The following PHACTR3 variants were observed in gnomAD, a reference collection of about 807,000 sequenced individuals.
The protein encoded by PHACTR3 is protein phosphatase 1, regulatory subunit 123.
Under a neutral mutation model 66.8 loss-of-function variants are expected in PHACTR3, and 16 were observed. The observed-to-expected ratio is 0.24, with a 90% CI of 0.16 to 0.36. The LOEUF (loss-of-function observed/expected upper bound fraction) is 0.36. Ranked by LOEUF, PHACTR3 falls within the 10% of genes least tolerant of loss-of-function variation. The pLI is 1.00. For synonymous variants in PHACTR3, 323 were observed against 292.1 expected (o/e 1.11, Z -1.08); for missense variants, 647 against 719.9 (o/e 0.90, Z 1.16).
At chr20:59,722,571 G>A (rs1199404510) in intron 1 of PHACTR3, among the ~76,000 whole-genome samples, 1 of 152,136 alleles carries the variant, frequency 6.6e-6, no homozygotes, top group African/African-American at 2.4e-5. Flanking sequence ...TGCCCTGGAG[G>A]GTTTCAGCAC....
chr20:59,729,706 C>T (rs1392360352), intron 1 of PHACTR3, among the ~76,000 whole-genome samples: 2 of 152,188 alleles, frequency 1.3e-5, no homozygotes, highest in African/African-American at 2.4e-5. Context: ...CACTGCATGA[C>T]TTGCTGGTTT....
intron 11 of PHACTR3, chr20:59,844,236 A>G (rs930410199): frequency 1.3e-5 from 2 of 152,182 alleles, no homozygotes. Context: ...TAATGCAGCC[A>G]TTATGGAAAA....
rs150930684 is a variant in PHACTR3, at chr20:59,746,296, G to A, written c.281-1462G>A. 9.5e-4 allele frequency among the ~76,000 whole-genome samples: 144 copies of A among 152,208 alleles called. 2 individuals carry two copies. The East Asian group carries it at 0.023, about 25-fold the overall frequency. ...ACAACTGCCCCCCAGTCAGTCCCCCGCCCCAGGCCTGACTTATTCCTCCTC... is the reference window on the plus strand; with the variant it reads ...ACAACTGCCCCCCAGTCAGTCCCCCACCCCAGGCCTGACTTATTCCTCCTC... On this transcript the variant is annotated intron_variant, in intron 2 of 12. Coordinates refer to ENST00000371015, the MANE Select transcript of PHACTR3 (RefSeq NM_080672.5).
At position 59,645,429 on chromosome 20, in the gene PHACTR3, A is replaced by G. The variant is rs115641775; in HGVS notation, c.118+40297A>G. On this transcript the variant is annotated intron_variant, in intron 1 of 12. Transcript: ENST00000371015. The stretch of plus-strand genomic sequence containing the variant: ...CTGCCCTGGCTCTTTCTCCTGCCTG[A>G]AACAGCCTCCCTCAGATCCCAGCCT... Among the ~76,000 whole-genome samples the G allele has an allele frequency of 7.1e-3, 1,084 of 152,054 alleles. 8 individuals carry two copies. The highest frequency in any genetic ancestry group is 0.051 in the Middle Eastern group (15 of 294).
intron 7 of PHACTR3, among the ~76,000 whole-genome samples, chr20:59,784,537 C>T (rs1456946832): frequency 9.2e-5 from 14 of 152,038 alleles, no homozygotes; most frequent in East Asian, 1.9e-4. Flanking sequence ...CACATAGGGA[C>T]AGCTTGAGCC....
At chr20:59,839,149 A>C (rs542598066) in intron 9 of PHACTR3, among the ~76,000 whole-genome samples, 4 of 152,116 alleles carry the variant, frequency 2.6e-5, no homozygotes, top group Non-Finnish European at 5.9e-5. Flanking sequence ...CGTCACGTAA[A>C]TCCCTCATGG....
chr20:59,700,663 G>T (rs1265218628), intron 1 of PHACTR3, among the ~76,000 whole-genome samples: 2 of 152,230 alleles, frequency 1.3e-5, no homozygotes, highest in African/African-American at 4.8e-5. Flanking sequence ...GAGTGAGCAG[G>T]TGGGGGCATA....
intron 8 of PHACTR3, among the ~76,000 whole-genome samples, chr20:59,811,742 G>A (rs7264806): frequency 0.097 from 14,713 of 152,078 alleles, 1,672 homozygotes; most frequent in African/African-American, 0.28. Context: ...TATAGAAAGA[G>A]ACACTGCCCA....
intron 1 of PHACTR3, among the ~76,000 whole-genome samples, chr20:59,672,150 C>T (rs2036214525): frequency 6.6e-6 from 1 of 152,238 alleles, no homozygotes; most frequent in African/African-American, 2.4e-5. Flanking sequence ...CCACTGGCAT[C>T]TCATGGGCAG....
intron 1 of PHACTR3, among the ~76,000 whole-genome samples, chr20:59,644,027 C>A (rs1008141609): frequency 1.3e-5 from 2 of 152,208 alleles, no homozygotes; most frequent in Non-Finnish European, 2.9e-5. Flanking sequence ...AGACCTGGAA[C>A]GTTCCAGAGT....
At chr20:59,629,731 C>T (rs1468599579) in intron 1 of PHACTR3, among the ~76,000 whole-genome samples, 2 of 152,226 alleles carry the variant, frequency 1.3e-5, no homozygotes, top group Non-Finnish European at 2.9e-5. Flanking sequence ...GCTTAGTGCT[C>T]ATGAAATAAA....
At chr20:59,835,239 A>G (rs2042491921) in intron 8 of PHACTR3, among the ~76,000 whole-genome samples, 1 of 148,758 alleles carries the variant, frequency 6.7e-6, no homozygotes. Flanking sequence ...CTTTGCATAC[A>G]TTGTTTGGGA....
At chr20:59,682,478 T>C (rs11697221) in intron 1 of PHACTR3, among the ~76,000 whole-genome samples, 4,704 of 152,238 alleles carry the variant, frequency 0.031, 87 homozygotes, top group Middle Eastern at 0.065. Flanking sequence ...CTGGAGCTTG[T>C]GTGCTAGTGG....
chr20:59,771,288 G>C (rs2040351364), intron 5 of PHACTR3, among the ~76,000 whole-genome samples: 1 of 152,170 alleles, frequency 6.6e-6, no homozygotes, highest in Admixed American at 6.5e-5. Context: ...GGGGGATGCT[G>C]CGTGTCACCT....
chr20:59,627,445 G>C (rs984701644), intron 1 of PHACTR3, among the ~76,000 whole-genome samples: 1 of 152,242 alleles, frequency 6.6e-6, no homozygotes, highest in Non-Finnish European at 1.5e-5. Flanking sequence ...ATGACTCCAA[G>C]CGTTCCAGCC....
At chr20:59,691,034 G>T (rs561944100) in intron 1 of PHACTR3, among the ~76,000 whole-genome samples, 104 of 152,134 alleles carry the variant, frequency 6.8e-4, no homozygotes, top group Non-Finnish European at 1.4e-3. Flanking sequence ...AATGAAAGAA[G>T]CAAGGGCCAG....
intron 7 of PHACTR3, among the ~76,000 whole-genome samples, chr20:59,782,986 G>T (rs923861983): frequency 3.3e-5 from 5 of 152,198 alleles, no homozygotes; most frequent in African/African-American, 1.2e-4. Flanking sequence ...TTCCCCAGTA[G>T]ACATACTTGT....
intron 7 of PHACTR3, among the ~76,000 whole-genome samples, chr20:59,797,897 A>G (rs966519510): frequency 1.3e-5 from 2 of 151,790 alleles, no homozygotes; most frequent in Non-Finnish European, 2.9e-5. Flanking sequence ...AGAGTTTTAC[A>G]TCAGTGTTTT....
At chr20:59,770,098 T>C (rs1222415033) in intron 5 of PHACTR3, among the ~76,000 whole-genome samples, 1 of 152,236 alleles carries the variant, frequency 6.6e-6, no homozygotes, top group Non-Finnish European at 1.5e-5. Context: ...GAGCCTCAGA[T>C]GGCACAGGTC....
Sources: gnomAD v4.1 joint callset for allele counts (sites outside exome capture counted in the v4.1 genomes callset) on GRCh38, gnomAD v4.1.1 for gene constraint, MANE v1.5 for transcripts, NCBI Gene and HGNC (gene_info 2026-07-23, HGNC 2026-07-21) for gene names.